Variants in STX8 observed in about 807,000 individuals in gnomAD.
The protein encoded by STX8 is syntaxin 8, also known as syntaxin-8.
STX8 carries 23 observed loss-of-function variants against 37.5 expected under a neutral mutation model. The observed-to-expected ratio is 0.61, with a 90% CI of 0.44 to 0.87. The LOEUF (loss-of-function observed/expected upper bound fraction) is 0.87. Ranked by LOEUF, STX8 falls within the 40% of genes least tolerant of loss-of-function variation. The pLI is 0.00. For synonymous variants in STX8, 115 were observed against 99.1 expected, an observed-to-expected ratio of 1.16 and a Z score of -0.95; for missense variants, 313 against 284.7, an observed-to-expected ratio of 1.10 and a Z score of -0.71.
chr17:9,503,105 C>CAAAAAAAAAAAA lies in STX8; in HGVS notation c.448+1921_448+1932dup, dbSNP rs61437085. Among the ~76,000 whole-genome samples, 136 of 58,570 alleles carry CAAAAAAAAAAAA rather than the reference C, an allele frequency of 2.3e-3. 12 individuals carry two copies. The highest frequency in any genetic ancestry group is 9.5e-3 in the African/African-American group (126 of 13,222). The allele number at this position is 58,570 out of a possible 152,430, so 38.4% of individuals were successfully genotyped here. Reference sequence around the variant, plus strand: ...TAGGCAGCAAAGCCAGACTCTGTCTCAAAAAAAAAAAAAAAAAAAAAAGAG... The same window carrying CAAAAAAAAAAAA: ...TAGGCAGCAAAGCCAGACTCTGTCTCAAAAAAAAAAAAAAAAAAAAAAAAAAAAAAAAAAGAG... On this transcript the variant is annotated intron_variant, in intron 5 of 7. Coordinates refer to ENST00000306357, the MANE Select transcript of STX8 (RefSeq NM_004853.3).
intron 6 of STX8, among the ~76,000 whole-genome samples, chr17:9,423,873 T>G (rs970498126): frequency 6.6e-6 from 1 of 152,142 alleles, no homozygotes; most frequent in Non-Finnish European, 1.5e-5. Flanking sequence ...AATCCTAGTT[T>G]TCCGCTGATT....
At chr17:9,412,574 C>G (rs537100788) in intron 6 of STX8, among the ~76,000 whole-genome samples, 66 of 152,244 alleles carry the variant, frequency 4.3e-4, no homozygotes, top group African/African-American at 1.4e-3. Context: ...CCACCACACC[C>G]GGCCTCACAG....
At chr17:9,269,135 C>T (rs996740587) in intron 7 of STX8, among the ~76,000 whole-genome samples, 3 of 150,754 alleles carry the variant, frequency 2.0e-5, no homozygotes, top group Admixed American at 6.6e-5. Flanking sequence ...TGCAGTGAGC[C>T]GAGATTGCGC....
intron 7 of STX8, chr17:9,273,483 C>T (rs1489059747): frequency 2.0e-5 from 3 of 152,524 alleles, no homozygotes; most frequent in Non-Finnish European, 4.4e-5. Context: ...AGTCTCCACC[C>T]CCAGCAGGGA....
At chr17:9,250,918 G>C (rs1212831424) in intron 7 of STX8, among the ~76,000 whole-genome samples, 1 of 152,106 alleles carries the variant, frequency 6.6e-6, no homozygotes, top group East Asian at 1.9e-4. Context: ...CCTAACTCTA[G>C]CATCTGTGTA....
At chr17:9,409,647 C>T (rs963626278) in intron 6 of STX8, among the ~76,000 whole-genome samples, 1 of 152,114 alleles carries the variant, frequency 6.6e-6, no homozygotes, top group Non-Finnish European at 1.5e-5. Flanking sequence ...TTTAATGTCC[C>T]TGAGGCCGCC....
chr17:9,317,435 C>A (rs1405894159), intron 7 of STX8, among the ~76,000 whole-genome samples: 1 of 152,108 alleles, frequency 6.6e-6, no homozygotes, highest in African/African-American at 2.4e-5. Flanking sequence ...GTGATAAAAC[C>A]GCGCCAGGCA....
In STX8 at chr17:9,547,642, A is replaced by AAAAAAAAAAAAG. The variant is rs10694244; in HGVS notation, c.213-2361_213-2360insCTTTTTTTTTTT. Among the ~76,000 whole-genome samples, 94 of 115,826 alleles carry AAAAAAAAAAAAG rather than the reference A, an allele frequency of 8.1e-4. 5 individuals are homozygous for AAAAAAAAAAAAG. The highest frequency in any genetic ancestry group is 1.4e-3 in the South Asian group (5 of 3,582). The allele number at this position is 115,826 out of a possible 152,430, so 76.0% of individuals were successfully genotyped here. On this transcript the variant is annotated intron_variant, in intron 3 of 7. Transcript: ENST00000306357. ...GACTCCGTCTCAAAAAAAAAAAAGAAAAAAGAAAAGAAAAGAAAAGAAATA... is the reference window on the plus strand; with the variant it reads ...GACTCCGTCTCAAAAAAAAAAAAGAAAAAAAAAAAAAGAAAAGAAAAGAAAAGAAAAGAAATA...
chr17:9,522,278 G>C (rs1438111825), intron 4 of STX8, among the ~76,000 whole-genome samples: 1 of 152,132 alleles, frequency 6.6e-6, no homozygotes, highest in Non-Finnish European at 1.5e-5. Context: ...GCCATCTGCT[G>C]GTTACAGTTT....
At chr17:9,495,618 CA>C (rs1904362773) in intron 5 of STX8, among the ~76,000 whole-genome samples, 1 of 152,166 alleles carries the variant, frequency 6.6e-6, no homozygotes, top group Admixed American at 6.5e-5. Context: ...TCATCTAATG[CA>C]CATGAGAAAG....
At chr17:9,385,636 G>A (rs551797273) in intron 6 of STX8, among the ~76,000 whole-genome samples, 1 of 152,324 alleles carries the variant, frequency 6.6e-6, no homozygotes, top group Admixed American at 6.5e-5. Context: ...TCACTACAGT[G>A]TGCAAACTAA....
intron 4 of STX8, 107 bp from the exon 5 acceptor site, chr17:9,505,269 A>T: frequency 7.7e-7 from 1 of 1,300,142 alleles, no homozygotes; most frequent in South Asian, 1.5e-5. Context: ...TGAAAATTCA[A>T]TTCAAACACA....
chr17:9,532,646 AC>A (rs1394024809), intron 4 of STX8, among the ~76,000 whole-genome samples: 1 of 152,214 alleles, frequency 6.6e-6, no homozygotes, highest in African/African-American at 2.4e-5. Context: ...TATTTAAAAA[AC>A]ATTCTTCAAA....
chr17:9,451,901 T>G (rs1458234020), intron 6 of STX8, among the ~76,000 whole-genome samples: 2 of 152,204 alleles, frequency 1.3e-5, no homozygotes, highest in Non-Finnish European at 2.9e-5. Flanking sequence ...TCTTATTTGG[T>G]TTAATTTGAG....
chr17:9,510,425 T>C (rs1376522469), intron 4 of STX8, among the ~76,000 whole-genome samples: 1 of 152,096 alleles, frequency 6.6e-6, no homozygotes, highest in Non-Finnish European at 1.5e-5. Flanking sequence ...TCATACCAAG[T>C]ATCCTATTTA....
At chr17:9,333,594 T>A (rs528676655) in intron 7 of STX8, among the ~76,000 whole-genome samples, 1 of 152,160 alleles carries the variant, frequency 6.6e-6, no homozygotes, top group Non-Finnish European at 1.5e-5. Flanking sequence ...TTTCACTGTG[T>A]TAGCCAGGAT....
intron 6 of STX8, among the ~76,000 whole-genome samples, chr17:9,409,018 T>A (rs1206771836): frequency 6.6e-6 from 1 of 151,166 alleles, no homozygotes; most frequent in Non-Finnish European, 1.5e-5. Context: ...CTACCCCCCC[T>A]ACTGCTCAGA....
Position 9,544,514 on chromosome 17 carries a change from AC to A in STX8, c.323+657del, listed in dbSNP as rs1233548969. On this transcript the variant is annotated intron_variant, in intron 4 of 7. Coordinates refer to ENST00000306357, the MANE Select transcript of STX8 (RefSeq NM_004853.3). ...CTCAATATGCCAATTAAAAAAAAAA[AC>A]AAAAAACTGCTTTGCCCACACAGAG... Among the ~76,000 whole-genome samples, 46 of 151,956 alleles carry A rather than the reference AC, an allele frequency of 3.0e-4. 1 individual carries two copies. The highest frequency in any genetic ancestry group is 1.0e-3 in the African/African-American group (43 of 41,342).
intron 2 of STX8, among the ~76,000 whole-genome samples, chr17:9,564,987 C>T (rs1907398154): frequency 6.6e-6 from 1 of 152,146 alleles, no homozygotes; most frequent in African/African-American, 2.4e-5. Context: ...GCGGGAGGAT[C>T]ATCTGAGGTC....
Sources: allele counts gnomAD v4.1 joint callset (sites outside exome capture counted in the v4.1 genomes callset), GRCh38; gene constraint gnomAD v4.1.1; transcripts MANE v1.5; gene names NCBI Gene and HGNC (gene_info 2026-07-23, HGNC 2026-07-21).